The following ZNF236 variants were observed in gnomAD, a reference collection of about 807,000 sequenced individuals.
ZNF236 encodes the protein regulated by glucose.
Under a neutral mutation model 191.2 loss-of-function variants are expected in ZNF236, and 50 were observed. That is an observed-to-expected ratio of 0.26 (90% CI 0.21 to 0.33). The LOEUF (loss-of-function observed/expected upper bound fraction) is 0.33, where lower values mean the gene tolerates loss of function less well. Ranked by LOEUF, ZNF236 falls within the 10% of genes least tolerant of loss-of-function variation. The probability of loss-of-function intolerance (pLI) is 1.00; values close to 1 mark genes in which losing one functional copy is unlikely to be tolerated. For missense variants in ZNF236, 1,754 were observed against 2,374.5 expected (o/e 0.74, Z 5.43); for synonymous variants, 907 against 928.8 (o/e 0.98, Z 0.43).
intron 5 of ZNF236, among the ~76,000 whole-genome samples, chr18:76,872,666 A>G (rs1378077116): frequency 2.6e-5 from 4 of 152,202 alleles, no homozygotes; most frequent in African/African-American, 7.2e-5. Flanking sequence ...ACTCTTTGCC[A>G]TCTTGTAAAG....
In ZNF236 at chr18:76,915,692, C is replaced by T. The variant is rs1234843584; in HGVS notation, c.3107C>T (p.Thr1036Ile). 1 of 1,613,984 alleles carries T rather than the reference C, an allele frequency of 6.2e-7. No homozygotes were observed. The highest frequency in any genetic ancestry group is 8.5e-7 in the Non-Finnish European group (1 of 1,180,020). The stretch of plus-strand genomic sequence containing the variant: ...AGTGTGTGCAATGCTTCCTTCACCA[C>T]CAATGGCAGCCTCACCCGGCACATG... The part of the protein sequence containing the change: ...SCSVCNASFT[T>I]NGSLTRHMAT... The change falls in exon 19 of 31, where the codon ACC becomes ATC. Residue 1036 changes from threonine to isoleucine, a missense_variant. This residue lies in a region of ZNF236 where 641 missense variants were observed against 869.6 expected (regional missense o/e 0.74). Transcript: ENST00000320610.
chr18:76,940,106 A>C (rs11877804), intron 26 of ZNF236, among the ~76,000 whole-genome samples: 16 of 126,722 alleles, frequency 1.3e-4, no homozygotes, highest in Admixed American at 3.9e-4. Flanking sequence ...CTAGCACTGC[A>C]TTTGGGAACA....
In ZNF236 at chr18:76,875,734, G is replaced by T. The variant is rs1402545045; in HGVS notation, c.840+70G>T. 2 of 1,304,870 alleles carry T rather than the reference G, an allele frequency of 1.5e-6. No homozygotes were observed. The highest frequency in any genetic ancestry group is 2.0e-6 in the Non-Finnish European group (2 of 1,010,840). 80.8% of individuals were successfully genotyped at this position (1,304,870 alleles called of 1,614,324 possible). A position where few individuals can be genotyped will look rare whatever the true frequency, so the allele number is the denominator to read the frequency against. Reference sequence around the variant, plus strand: ...TAGGTATCTTTTGGGTTAATAAACGGACCTGAGAAATTCTTTTCCATTTAA... The same window carrying T: ...TAGGTATCTTTTGGGTTAATAAACGTACCTGAGAAATTCTTTTCCATTTAA... On this transcript the variant is annotated intron_variant, in intron 6 of 30. Transcript: ENST00000320610. The surrounding 1 kb of genome is among the most constrained non-coding windows in gnomAD (Gnocchi z 4.3).
Position 76,880,549 on chromosome 18 carries a change from T to C in ZNF236, c.1188+233T>C, listed in dbSNP as rs1976862880. 6.6e-6 allele frequency among the ~76,000 whole-genome samples: 1 copy of C among 152,260 alleles called. No homozygotes were observed. Among genetic ancestry groups the C allele is most frequent in the Admixed American group, 6.5e-5 (1 of 15,290 alleles). On this transcript the variant is annotated intron_variant, in intron 8 of 30. Coordinates refer to ENST00000320610, the MANE Select transcript of ZNF236 (RefSeq NM_001306089.2). This position sits in a 1 kb window ranked among gnomAD's most constrained non-coding sequence, Gnocchi z 5.0. ...AAAAAATCACAAACTTTTATTTTTT[T>C]TCCATAAGTGAACTTTACTTGAAAA... is the stretch of plus-strand genomic sequence containing the variant.
intron 3 of ZNF236, among the ~76,000 whole-genome samples, chr18:76,855,615 A>T (rs1251536782): frequency 1.3e-5 from 2 of 152,254 alleles, no homozygotes; most frequent in African/African-American, 4.8e-5. Flanking sequence ...TTAGGAAGTC[A>T]CTGCTGTTAG....
intron 25 of ZNF236, chr18:76,936,312 G>A (rs2122875637): frequency 2.2e-6 from 1 of 456,598 alleles, no homozygotes; most frequent in Non-Finnish European, 4.4e-6. Context: ...TAAAGTGAGT[G>A]TGCGTGTGTG....
intron 27 of ZNF236, among the ~76,000 whole-genome samples, chr18:76,954,476 T>A (rs1968477139): frequency 6.6e-6 from 1 of 152,256 alleles, no homozygotes; most frequent in Non-Finnish European, 1.5e-5. Context: ...CAGCCTTTAG[T>A]GTCATTTATT....
chr18:76,845,872 C>A (rs1352591130), intron 1 of ZNF236, among the ~76,000 whole-genome samples: 2 of 151,834 alleles, frequency 1.3e-5, no homozygotes, highest in African/African-American at 2.4e-5. Flanking sequence ...AATTAGCTAT[C>A]CCCCAGAAGG....
chr18:76,897,857 A>T (rs1356668085), intron 10 of ZNF236, among the ~76,000 whole-genome samples: 1 of 152,196 alleles, frequency 6.6e-6, no homozygotes. Flanking sequence ...CTTGGAGGAT[A>T]TATTTCTGTC....
At chr18:76,849,245 G>T in intron 1 of ZNF236, 1 of 315,026 alleles carries the variant, frequency 3.2e-6, no homozygotes, top group Non-Finnish European at 5.8e-6. Context: ...GTTTTGGTGT[G>T]TGTGGCTGTG....
chr18:76,934,251 C>T (rs990177388), intron 25 of ZNF236, among the ~76,000 whole-genome samples: 1 of 152,206 alleles, frequency 6.6e-6, no homozygotes, highest in African/African-American at 2.4e-5. Flanking sequence ...AGGACAAAAG[C>T]ACATGCTTTT....
At chr18:76,825,021 A>C (rs917726935) in intron 1 of ZNF236, among the ~76,000 whole-genome samples, 4 of 152,218 alleles carry the variant, frequency 2.6e-5, no homozygotes, top group African/African-American at 9.7e-5. Context: ...CCTTTAACAG[A>C]AACCCATTCC....
chr18:76,862,180 T>C (rs892475431), intron 3 of ZNF236, among the ~76,000 whole-genome samples: 12 of 152,022 alleles, frequency 7.9e-5, no homozygotes, highest in African/African-American at 2.9e-4. Flanking sequence ...CTTTTTTTCT[T>C]CCCAGACACC....
At chr18:76,837,088 C>T (rs550894703) in intron 1 of ZNF236, among the ~76,000 whole-genome samples, 3 of 142,898 alleles carry the variant, frequency 2.1e-5, no homozygotes, top group African/African-American at 7.7e-5. Flanking sequence ...GTTGGCCAGG[C>T]TGGTCTTGAA....
Position 76,956,059 on chromosome 18 carries a change from G to A in ZNF236, c.4989G>A (p.Glu1663=). 1 of 1,608,358 alleles carries A rather than the reference G, an allele frequency of 6.2e-7. No homozygotes were observed. The highest frequency in any genetic ancestry group is 8.5e-7 in the Non-Finnish European group (1 of 1,178,546). The change falls in exon 28 of 31, where the codon GAG becomes GAA. Residue 1663 remains glutamate, a synonymous_variant. Transcript: ENST00000320610. ...AGGGCCGGGCGCACCAGTGCCTGGA[G>A]TGTGACCGCGCCTTCTCATCGGCGG... ...EKEGRAHQCL[E]CDRAFSSAAV...
chr18:76,840,130 C>T (rs950615006), intron 1 of ZNF236, among the ~76,000 whole-genome samples: 2 of 152,068 alleles, frequency 1.3e-5, no homozygotes, highest in Non-Finnish European at 2.9e-5. Context: ...AGTTTACAGT[C>T]TTTCTTTAGA....
At chr18:76,850,765 G>T (rs1034716407) in intron 2 of ZNF236, among the ~76,000 whole-genome samples, 2 of 151,886 alleles carry the variant, frequency 1.3e-5, no homozygotes, top group African/African-American at 2.4e-5. Context: ...ACCATGCCTG[G>T]CTCATTTTTA....
intron 26 of ZNF236, among the ~76,000 whole-genome samples, chr18:76,940,658 A>C (rs1000409029): frequency 1.3e-5 from 2 of 152,252 alleles, no homozygotes; most frequent in Non-Finnish European, 2.9e-5. Flanking sequence ...GTTAAGTTTT[A>C]TCACTTTGAG....
At position 76,875,133 on chromosome 18, in the gene ZNF236, G is replaced by C. The variant is rs1297914364; in HGVS notation, c.668-359G>C. ...GTGGTGGTTGTGGACGGGAAGCAGGGCTGCTCTGGGTGTATTTTGAAGTTA... is the reference window on the plus strand; with the variant it reads ...GTGGTGGTTGTGGACGGGAAGCAGGCCTGCTCTGGGTGTATTTTGAAGTTA... On this transcript the variant is annotated intron_variant, in intron 5 of 30. Coordinates refer to ENST00000320610, the MANE Select transcript of ZNF236 (RefSeq NM_001306089.2). This position sits in a 1 kb window ranked among gnomAD's most constrained non-coding sequence, Gnocchi z 4.3. Among the ~76,000 whole-genome samples, 1 of 152,138 alleles carries C rather than the reference G, an allele frequency of 6.6e-6. No homozygotes were observed.
Sources: allele counts gnomAD v4.1 joint callset (sites outside exome capture counted in the v4.1 genomes callset), GRCh38; gene constraint gnomAD v4.1.1; regional missense constraint gnomAD v4.1.1; non-coding constraint Gnocchi (gnomAD v3.1); transcripts MANE v1.5; gene names NCBI Gene and HGNC (gene_info 2026-07-23, HGNC 2026-07-21).